Variants in KHDRBS2 observed in about 807,000 individuals in gnomAD.
KHDRBS2 encodes the protein KH RNA binding domain containing, signal transduction associated 2.
KHDRBS2 carries 26 observed loss-of-function variants against 44.3 expected under a neutral mutation model. That is an observed-to-expected ratio of 0.59 (90% confidence interval 0.43 to 0.81). The LOEUF (loss-of-function observed/expected upper bound fraction) is 0.81. Ranked by LOEUF, KHDRBS2 falls within the 40% of genes least tolerant of loss-of-function variation. The pLI, the probability that KHDRBS2 is intolerant of heterozygous loss-of-function variation, is 0.00. For missense variants in KHDRBS2, 476 were observed against 433.1 expected, an observed-to-expected ratio of 1.10 and a Z score of -0.88; for synonymous variants, 194 against 151.1, an observed-to-expected ratio of 1.28 and a Z score of -2.08.
intron 6 of KHDRBS2, among the ~76,000 whole-genome samples, chr6:61,764,164 A>C (rs1779665414): frequency 6.6e-6 from 1 of 152,148 alleles, no homozygotes; most frequent in Non-Finnish European, 1.5e-5. Context: ...ACATGAGCTC[A>C]TTCCTTTTTA....
At chr6:61,633,486 G>T in the KHDRBS2 span, among the ~76,000 whole-genome samples, 416 of 152,084 alleles carry the variant, frequency 2.7e-3, 1 homozygote, top group Non-Finnish European at 5.1e-3. Context: ...ACTGGAAAAA[G>T]AAAAAACAAC....
At chr6:61,951,143 TAAGA>T (rs1764653024) in intron 4 of KHDRBS2, among the ~76,000 whole-genome samples, 1 of 151,970 alleles carries the variant, frequency 6.6e-6, no homozygotes, top group Non-Finnish European at 1.5e-5. Flanking sequence ...TAAGAATGAG[TAAGA>T]AAGAAACTTT....
At chr6:61,672,846 T>C in the KHDRBS2 span, among the ~76,000 whole-genome samples, 3 of 150,786 alleles carry the variant, frequency 2.0e-5, no homozygotes, top group Admixed American at 1.3e-4. Flanking sequence ...AGCTCTTTAG[T>C]TTAATTAGAT....
chr6:62,245,318 A>T (rs1183467795), intron 1 of KHDRBS2, among the ~76,000 whole-genome samples: 2 of 152,196 alleles, frequency 1.3e-5, no homozygotes, highest in East Asian at 1.9e-4. Context: ...ATTTTAATTG[A>T]ATGTTTTAAC....
chr6:62,237,044 T>C (rs908263147), intron 1 of KHDRBS2, among the ~76,000 whole-genome samples: 12 of 152,206 alleles, frequency 7.9e-5, no homozygotes, highest in African/African-American at 2.7e-4. Flanking sequence ...AGCCTATGAC[T>C]TGCATATGAT....
chr6:61,937,310 A>C (rs543505487), intron 4 of KHDRBS2, among the ~76,000 whole-genome samples: 13 of 151,934 alleles, frequency 8.6e-5, no homozygotes, highest in African/African-American at 3.1e-4. Flanking sequence ...TGTCTTGCAA[A>C]TCTTATTTCT....
At chr6:61,570,054 G>C in the KHDRBS2 span, among the ~76,000 whole-genome samples, 2 of 152,046 alleles carry the variant, frequency 1.3e-5, no homozygotes, top group Admixed American at 6.6e-5. Flanking sequence ...TAGATCTTCA[G>C]CAATGGTTCC....
chr6:61,568,280 T>C, the KHDRBS2 span, among the ~76,000 whole-genome samples: 3 of 152,198 alleles, frequency 2.0e-5, no homozygotes, highest in Non-Finnish European at 2.9e-5. Flanking sequence ...AAGTGATGCC[T>C]TCCACTTCAT....
chr6:62,135,186 G>C lies in KHDRBS2; in HGVS notation c.219+41999C>G, dbSNP rs1370409082. On this transcript the variant is annotated intron_variant, in intron 2 of 8. Coordinates refer to ENST00000281156, the MANE Select transcript of KHDRBS2 (RefSeq NM_152688.4). ...CCCAGTGGGAGATAATTGAATCATG[G>C]GGGCAATTTTCCCCATACTGTTCTC... 3.3e-5 allele frequency among the ~76,000 whole-genome samples: 5 copies of C among 152,204 alleles called. No homozygotes were observed. In the East Asian group the frequency reaches 9.7e-4, roughly 29 times the overall value.
chr6:61,681,018 G>C lies in KHDRBS2; in HGVS notation c.995C>G (p.Pro332Arg). ...TCCCCCTCTGGCTGACCTTTGCGGT[G>C]GTGCCTTCAAGCTAGAGCGGGTTGT... The part of the protein sequence containing the change: ...WATTRSSLKA[P>R]PQRSARGGYR... Residue 332 changes from proline to arginine, a missense_variant, in exon 9 of 9, where the codon CCA (proline) becomes CGA (arginine). Physicochemically the swap from Pro to Arg is moderately radical, Grantham distance 103. Transcript: ENST00000281156. 1 of 1,611,858 alleles carries C rather than the reference G, an allele frequency of 6.2e-7. No individual in the cohort carries two copies. Among genetic ancestry groups the C allele is most frequent in the Non-Finnish European group, 8.5e-7 (1 of 1,178,668 alleles).
chr6:62,040,590 C>T (rs1172161960), intron 3 of KHDRBS2, among the ~76,000 whole-genome samples: 10 of 151,946 alleles, frequency 6.6e-5, no homozygotes, highest in African/African-American at 2.4e-4. Flanking sequence ...GAATTCTTTG[C>T]TCGCATGTGT....
chr6:61,753,062 C>T (rs1306670486), intron 6 of KHDRBS2, among the ~76,000 whole-genome samples: 13 of 152,120 alleles, frequency 8.5e-5, no homozygotes, highest in Admixed American at 8.5e-4. Flanking sequence ...ATCACACAAC[C>T]AGCTAGAATT....
At chr6:62,212,686 A>T (rs1829275301) in intron 1 of KHDRBS2, among the ~76,000 whole-genome samples, 1 of 152,162 alleles carries the variant, frequency 6.6e-6, no homozygotes, top group African/African-American at 2.4e-5. Flanking sequence ...AATACTTGAG[A>T]TTACCAAAAG....
At chr6:62,105,130 T>C (rs1802868903) in intron 2 of KHDRBS2, among the ~76,000 whole-genome samples, 1 of 151,988 alleles carries the variant, frequency 6.6e-6, no homozygotes, top group South Asian at 2.1e-4. Flanking sequence ...AAAAATGAGC[T>C]TTTAGTTAAA....
intron 2 of KHDRBS2, among the ~76,000 whole-genome samples, chr6:62,139,829 GTAA>G (rs1392655705): frequency 6.6e-6 from 1 of 152,014 alleles, no homozygotes; most frequent in Non-Finnish European, 1.5e-5. Flanking sequence ...TTAGTTGTGG[GTAA>G]TTAACCCAGA....
intron 6 of KHDRBS2, among the ~76,000 whole-genome samples, chr6:61,811,646 G>A (rs182630363): frequency 2.8e-4 from 43 of 152,154 alleles, no homozygotes; most frequent in African/African-American, 9.9e-4. Context: ...CAGTCTGACC[G>A]TGTGAGTGAA....
chr6:62,026,574 A>G, intron 3 of KHDRBS2, among the ~76,000 whole-genome samples: 1 of 151,688 alleles, frequency 6.6e-6, no homozygotes, highest in South Asian at 2.1e-4. Flanking sequence ...CTGGGATCAC[A>G]GGCATGCACC....
chr6:62,212,355 T>C (rs986648316), intron 1 of KHDRBS2, among the ~76,000 whole-genome samples: 1 of 151,526 alleles, frequency 6.6e-6, no homozygotes, highest in Non-Finnish European at 1.5e-5. Flanking sequence ...GATAAATGAA[T>C]AATAGAGAGA....
intron 1 of KHDRBS2, among the ~76,000 whole-genome samples, chr6:62,240,239 A>G (rs1208600781): frequency 6.6e-6 from 1 of 152,152 alleles, no homozygotes; most frequent in Non-Finnish European, 1.5e-5. Flanking sequence ...GAGTTCTCTC[A>G]GTAGGCTCCT....
Sources: gnomAD v4.1 joint callset for allele counts (sites outside exome capture counted in the v4.1 genomes callset) on GRCh38, gnomAD v4.1.1 for gene constraint, MANE v1.5 for transcripts, NCBI Gene and HGNC (gene_info 2026-07-23, HGNC 2026-07-21) for gene names.